LRP1B: variants seen among roughly 807,000 people sequenced by gnomAD.
The protein encoded by LRP1B is LDL receptor related protein 1B, also known as low-density lipoprotein receptor-related protein 1B.
Under a neutral mutation model 556.6 loss-of-function variants are expected in LRP1B, and 217 were observed. The ratio of observed to expected loss-of-function variants is 0.39; its 90% CI spans 0.35 to 0.44. LRP1B has a LOEUF of 0.44. Among genes scored for constraint, LRP1B ranks in the 20% least tolerant of loss-of-function variants. The pLI is 1.00. For missense variants in LRP1B, 5,053 were observed against 5,620.8 expected (o/e 0.90, Z 3.23); for synonymous variants, 2,047 against 1,865.8 (o/e 1.10, Z -2.50).
At chr2:141,784,967 C>T (rs1028051045) in intron 2 of LRP1B, among the ~76,000 whole-genome samples, 1 of 151,924 alleles carries the variant, frequency 6.6e-6, no homozygotes, top group Non-Finnish European at 1.5e-5. Context: ...ATAGATATGG[C>T]AGTGGTAACC....
At chr2:142,033,863 T>C (rs1208448192) in intron 1 of LRP1B, among the ~76,000 whole-genome samples, 1 of 151,826 alleles carries the variant, frequency 6.6e-6, no homozygotes, top group East Asian at 1.9e-4. Context: ...TTCTCTGTTG[T>C]ATCATTACTA....
chr2:140,682,546 G>T (rs1179222755), intron 41 of LRP1B, among the ~76,000 whole-genome samples: 2 of 152,146 alleles, frequency 1.3e-5, no homozygotes, highest in African/African-American at 2.4e-5. Flanking sequence ...CACAGTTTCT[G>T]TGCTTATACA....
chr2:141,460,961 T>C (rs1452208648), intron 3 of LRP1B, among the ~76,000 whole-genome samples: 13 of 152,032 alleles, frequency 8.6e-5, no homozygotes, highest in Non-Finnish European at 1.2e-4. Context: ...AGATATCTAT[T>C]AGACATCCAA....
intron 1 of LRP1B, among the ~76,000 whole-genome samples, chr2:141,840,796 A>C (rs192302533): frequency 2.0e-5 from 3 of 152,318 alleles, no homozygotes; most frequent in Admixed American, 6.5e-5. Flanking sequence ...CAGCGGAGGT[A>C]ACGAAATGTT....
chr2:141,157,178 C>T (rs867613209), intron 7 of LRP1B, among the ~76,000 whole-genome samples: 2 of 151,902 alleles, frequency 1.3e-5, no homozygotes, highest in East Asian at 1.9e-4. Context: ...TTTTTATTTG[C>T]TCTCAAGTTT....
chr2:141,168,800 T>C (rs1680372577), intron 7 of LRP1B, among the ~76,000 whole-genome samples: 1 of 152,032 alleles, frequency 6.6e-6, no homozygotes, highest in Admixed American at 6.6e-5. Context: ...CACTTCAGTC[T>C]CCTGTTCTGT....
intron 2 of LRP1B, among the ~76,000 whole-genome samples, chr2:141,752,869 G>A (rs947120770): frequency 3.5e-5 from 5 of 142,974 alleles, no homozygotes; most frequent in South Asian, 2.3e-4. Flanking sequence ...ACTTGAGCCC[G>A]GGAGGTTGAG....
At chr2:140,475,837 T>G (rs1395058253) in intron 59 of LRP1B, among the ~76,000 whole-genome samples, 2 of 151,850 alleles carry the variant, frequency 1.3e-5, no homozygotes, top group African/African-American at 2.4e-5. Flanking sequence ...AAAATAAAAT[T>G]AAATGAAATG....
intron 37 of LRP1B, 34 bp downstream of exon 37, chr2:140,715,939 A>G: frequency 6.7e-7 from 1 of 1,492,024 alleles, no homozygotes; most frequent in Non-Finnish European, 9.0e-7. Context: ...AACTCACATA[A>G]AACTTGGAAG....
chr2:140,843,090 T>G (rs1692168560), intron 29 of LRP1B, among the ~76,000 whole-genome samples: 1 of 28,100 alleles, frequency 3.6e-5, no homozygotes, highest in Non-Finnish European at 8.0e-5. Context: ...TGTTTGTTTT[T>G]TTTTTTTTTG....
chr2:140,405,492 A>T (rs1284197933), intron 66 of LRP1B, among the ~76,000 whole-genome samples: 1 of 152,222 alleles, frequency 6.6e-6, no homozygotes, highest in Non-Finnish European at 1.5e-5. Flanking sequence ...AAGAGAAAAG[A>T]TCCAAATAAG....
chr2:140,335,552 G>T, intron 78 of LRP1B, 63 bp downstream of exon 78: 1 of 975,860 alleles, frequency 1.0e-6, no homozygotes, highest in Non-Finnish European at 1.7e-6. Context: ...AAAATCTATA[G>T]AGCATAATTT....
intron 3 of LRP1B, among the ~76,000 whole-genome samples, chr2:141,300,699 C>T (rs918458445): frequency 3.3e-5 from 5 of 152,144 alleles, no homozygotes; most frequent in Admixed American, 6.5e-5. Flanking sequence ...CTTGCTCTGG[C>T]TGTGTAGGAC....
chr2:141,894,659 CTAGAT>C (rs1699389227), intron 1 of LRP1B, among the ~76,000 whole-genome samples: 1 of 3,036 alleles, frequency 3.3e-4, no homozygotes, highest in Admixed American at 6.1e-3. Context: ...AGATCTAGAT[CTAGAT>C]CTAGATCTAG....
chr2:140,530,481 T>C (rs112399804), intron 47 of LRP1B, among the ~76,000 whole-genome samples: 2,072 of 152,172 alleles, frequency 0.014, 52 homozygotes, highest in African/African-American at 0.045. Flanking sequence ...GGCTTATGGG[T>C]TATGGACCCA....
chr2:141,004,770 A>G lies in LRP1B; in HGVS notation c.2503+565T>C, dbSNP rs548366509. On this transcript the variant is annotated intron_variant, in intron 15 of 90. Transcript: ENST00000389484. ...GTGCTGAAGGGGCACCACATGGGGT[A>G]GAAGGAATCAGTTTCAAAAGTCATA... is the stretch of plus-strand genomic sequence containing the variant. Among the ~76,000 whole-genome samples the G allele has an allele frequency of 6.6e-5, 10 of 152,234 alleles. No homozygotes were observed. In the South Asian group the frequency reaches 1.7e-3, roughly 25 times the overall value.
intron 22 of LRP1B, among the ~76,000 whole-genome samples, chr2:140,907,396 G>A (rs1694288040): frequency 6.6e-6 from 1 of 151,958 alleles, no homozygotes; most frequent in African/African-American, 2.4e-5. Flanking sequence ...AAATTTGAAG[G>A]AAAATTATGT....
intron 2 of LRP1B, among the ~76,000 whole-genome samples, chr2:141,532,457 TG>T (rs1458867722): frequency 5.3e-5 from 8 of 152,044 alleles, no homozygotes; most frequent in Non-Finnish European, 2.9e-5. Flanking sequence ...TTATTATCTC[TG>T]AGTTAGAAGT....
chr2:142,023,474 G>C (rs1319176843), intron 1 of LRP1B, among the ~76,000 whole-genome samples: 2 of 152,092 alleles, frequency 1.3e-5, no homozygotes, highest in Non-Finnish European at 2.9e-5. Flanking sequence ...AAAGTCATAA[G>C]GTTACCAAGA....
Sources: gnomAD v4.1 joint callset for allele counts (sites outside exome capture counted in the v4.1 genomes callset) on GRCh38, gnomAD v4.1.1 for gene constraint, MANE v1.5 for transcripts, NCBI Gene and HGNC (gene_info 2026-07-23, HGNC 2026-07-21) for gene names.